Variants in TNIK observed in about 807,000 individuals in gnomAD.
TNIK encodes TRAF2 and NCK-interacting protein kinase.
TNIK carries 49 observed loss-of-function variants against 191.3 expected under a neutral mutation model. The ratio of observed to expected loss-of-function variants is 0.26; its 90% CI spans 0.20 to 0.32. The LOEUF (loss-of-function observed/expected upper bound fraction) is 0.32. TNIK is among the 10% of genes least tolerant of loss of function. The pLI is 1.00. For missense variants in TNIK, 1,155 were observed against 1,702.3 expected (o/e 0.68, Z 5.66); for synonymous variants, 594 against 600.9 (o/e 0.99, Z 0.17).
At chr3:171,071,142 G>T (rs1719123677) in intron 29 of TNIK, 81 bp downstream of exon 29, 1 of 1,031,850 alleles carries the variant, frequency 9.7e-7, no homozygotes, top group Non-Finnish European at 1.4e-6. Context: ...ATTGGTATTG[G>T]TCTATATGGA....
chr3:171,306,128 C>T (rs1031593673), intron 2 of TNIK, among the ~76,000 whole-genome samples: 24 of 152,066 alleles, frequency 1.6e-4, no homozygotes, highest in African/African-American at 5.8e-4. Context: ...AACAAAATAC[C>T]ACATGTTCTC....
chr3:171,132,852 A>G (rs912646804), intron 15 of TNIK, among the ~76,000 whole-genome samples: 1 of 152,260 alleles, frequency 6.6e-6, no homozygotes. Context: ...TTACTTAAGA[A>G]TTAATACATG....
chr3:171,153,051 G>A (rs1732678851), intron 12 of TNIK, among the ~76,000 whole-genome samples: 2 of 152,134 alleles, frequency 1.3e-5, no homozygotes, highest in South Asian at 4.2e-4. Context: ...GATTACAGTG[G>A]GCGTGAGCCA....
intron 2 of TNIK, among the ~76,000 whole-genome samples, chr3:171,325,492 G>T (rs1368998328): frequency 6.6e-6 from 1 of 152,060 alleles, no homozygotes; most frequent in Non-Finnish European, 1.5e-5. Flanking sequence ...ATGTAATATG[G>T]AACATACTTA....
Position 171,375,494 on chromosome 3 carries a change from TG to T in TNIK, c.58-5810del, listed in dbSNP as rs1289215076. 2.6e-5 allele frequency among the ~76,000 whole-genome samples: 4 copies of T among 152,204 alleles called. No homozygotes were observed. In the East Asian group the frequency reaches 7.7e-4, roughly 29 times the overall value. ...ACAATTGAGAAGGCGCATTAAGTTT[TG>T]GGGGTTCCTTGGATGTTGAAATAAA... is the stretch of plus-strand genomic sequence containing the variant. On this transcript the variant is annotated intron_variant, in intron 1 of 32. Transcript: ENST00000436636.
intron 12 of TNIK, among the ~76,000 whole-genome samples, chr3:171,144,842 G>A (rs1302251484): frequency 6.6e-6 from 1 of 152,272 alleles, no homozygotes; most frequent in East Asian, 1.9e-4. Context: ...TTCCACCAGT[G>A]AGTGAGATCA....
intron 2 of TNIK, among the ~76,000 whole-genome samples, chr3:171,248,100 TAAGA>T (rs1745813720): frequency 6.6e-6 from 1 of 151,706 alleles, no homozygotes; most frequent in South Asian, 2.1e-4. Context: ...TGAAAGAAGG[TAAGA>T]ATGTGGGAAG....
intron 2 of TNIK, among the ~76,000 whole-genome samples, chr3:171,269,904 T>C (rs1222670576): frequency 6.6e-6 from 1 of 152,178 alleles, no homozygotes; most frequent in African/African-American, 2.4e-5. Flanking sequence ...TTTTCCTTCA[T>C]TAACCTAAAA....
At chr3:171,328,362 T>C (rs1756048513) in intron 2 of TNIK, among the ~76,000 whole-genome samples, 1 of 152,166 alleles carries the variant, frequency 6.6e-6, no homozygotes, top group Non-Finnish European at 1.5e-5. Context: ...CATGATATTT[T>C]TGTTGCAGCA....
chr3:171,220,777 T>C (rs1240064678), intron 3 of TNIK, among the ~76,000 whole-genome samples: 3 of 152,180 alleles, frequency 2.0e-5, no homozygotes, highest in Non-Finnish European at 2.9e-5. Flanking sequence ...AAAGGACCAG[T>C]GAATATAAAC....
At chr3:171,070,703 G>T (rs1019395695) in intron 29 of TNIK, among the ~76,000 whole-genome samples, 1 of 152,110 alleles carries the variant, frequency 6.6e-6, no homozygotes, top group East Asian at 1.9e-4. Flanking sequence ...GTAAAAAAAT[G>T]AAAAGGCAAT....
intron 1 of TNIK, among the ~76,000 whole-genome samples, chr3:171,425,778 A>T (rs1293868406): frequency 1.3e-5 from 2 of 150,586 alleles, no homozygotes; most frequent in Non-Finnish European, 3.0e-5. Context: ...CAGTGAGGGG[A>T]GATCACGCCA....
intron 1 of TNIK, among the ~76,000 whole-genome samples, chr3:171,441,968 T>C (rs951373114): frequency 7.2e-5 from 11 of 152,294 alleles, no homozygotes; most frequent in African/African-American, 2.6e-4. Context: ...GAGCTGTCCA[T>C]TTGAAAACAT....
chr3:171,249,403 G>T (rs1176755229), intron 2 of TNIK, among the ~76,000 whole-genome samples: 1 of 152,140 alleles, frequency 6.6e-6, no homozygotes, highest in African/African-American at 2.4e-5. Flanking sequence ...CTTTGATTAA[G>T]AATCACTCAG....
At chr3:171,457,331 C>T (rs1457814045) in intron 1 of TNIK, among the ~76,000 whole-genome samples, 1 of 152,170 alleles carries the variant, frequency 6.6e-6, no homozygotes, top group Non-Finnish European at 1.5e-5. Flanking sequence ...AGGATAAAGG[C>T]CTCTCTAGAC....
intron 11 of TNIK, among the ~76,000 whole-genome samples, chr3:171,158,483 T>A (rs544627290): frequency 6.6e-6 from 1 of 152,350 alleles, no homozygotes; most frequent in South Asian, 2.1e-4. Flanking sequence ...CAACTAAATG[T>A]TACAGACTCC....
At chr3:171,284,083 A>G (rs1750759832) in intron 2 of TNIK, among the ~76,000 whole-genome samples, 1 of 152,160 alleles carries the variant, frequency 6.6e-6, no homozygotes, top group Non-Finnish European at 1.5e-5. Flanking sequence ...GCAAATTCTC[A>G]GACCCAACCG....
At chr3:171,148,410 C>G (rs1319533644) in intron 12 of TNIK, among the ~76,000 whole-genome samples, 2 of 152,156 alleles carry the variant, frequency 1.3e-5, no homozygotes, top group Non-Finnish European at 2.9e-5. Flanking sequence ...CCTGGGAGAA[C>G]AGTCACACGG....
At chr3:171,392,962 T>C (rs1719760935) in intron 1 of TNIK, among the ~76,000 whole-genome samples, 1 of 151,962 alleles carries the variant, frequency 6.6e-6, no homozygotes, top group African/African-American at 2.4e-5. Context: ...AAGCTTTCTG[T>C]CACATTTTAA....
Sources: gnomAD v4.1 joint callset for allele counts (sites outside exome capture counted in the v4.1 genomes callset) on GRCh38, gnomAD v4.1.1 for gene constraint, MANE v1.5 for transcripts, NCBI Gene and HGNC (gene_info 2026-07-23, HGNC 2026-07-21) for gene names.